LMBRD1: variants seen among roughly 807,000 people sequenced by gnomAD.
LMBRD1 encodes LMBR1 domain containing 1.
In LMBRD1, 64 loss-of-function variants were observed where a neutral mutation model predicts 74.8. The observed-to-expected ratio is 0.86, with a 90% CI of 0.70 to 1.05. The LOEUF (loss-of-function observed/expected upper bound fraction) is 1.05. Among genes scored for constraint, LMBRD1 ranks in the 50% least tolerant of loss-of-function variants. The pLI, the probability that LMBRD1 is intolerant of heterozygous loss-of-function variation, is 0.00. For missense variants in LMBRD1, 652 were observed against 645.9 expected (o/e 1.01, Z -0.10); for synonymous variants, 204 against 216.3 (o/e 0.94, Z 0.50).
At chr6:69,774,599 G>A (rs1765648459) in intron 3 of LMBRD1, among the ~76,000 whole-genome samples, 1 of 151,992 alleles carries the variant, frequency 6.6e-6, no homozygotes, top group Admixed American at 6.6e-5. Flanking sequence ...CAAATATAAA[G>A]ATAAAAATAA....
chr6:69,771,055 T>G (rs1765565708), intron 3 of LMBRD1, among the ~76,000 whole-genome samples: 1 of 152,206 alleles, frequency 6.6e-6, no homozygotes, highest in African/African-American at 2.4e-5. Context: ...GATGGAGAGA[T>G]GTACTAGTTA....
chr6:69,749,316 T>TA, intron 5 of LMBRD1, 25 bp downstream of exon 5: 2 of 1,548,648 alleles, frequency 1.3e-6, no homozygotes, highest in Non-Finnish European at 8.9e-7. Context: ...ATTTCATGGT[T>TA]TAAAAAAAAA....
At position 69,676,130 on chromosome 6, in the gene LMBRD1, A is replaced by T; in HGVS notation, c.*28T>A. Reference sequence around the variant, plus strand: ...AATGCATAACAGATATTCAGTCAGCATTATAAAACCTTTAAGACAGAAGGC... The same window carrying T: ...AATGCATAACAGATATTCAGTCAGCTTTATAAAACCTTTAAGACAGAAGGC... On this transcript the variant is annotated 3_prime_UTR_variant, in exon 16 of 16. Transcript: ENST00000649934. The T allele has an allele frequency of 1.3e-6, 2 of 1,539,518 alleles. No homozygotes were observed. Among genetic ancestry groups the T allele is most frequent in the Non-Finnish European group, 1.8e-6 (2 of 1,112,682 alleles).
At chr6:69,683,067 A>C (rs1330716996) in intron 14 of LMBRD1, among the ~76,000 whole-genome samples, 1 of 152,000 alleles carries the variant, frequency 6.6e-6, no homozygotes, top group Non-Finnish European at 1.5e-5. Flanking sequence ...TTACTATACT[A>C]TTTTAGTTAA....
chr6:69,764,847 A>G lies in LMBRD1; in HGVS notation c.308-12491T>C, dbSNP rs538448490. On this transcript the variant is annotated intron_variant, in intron 3 of 15. Coordinates refer to ENST00000649934, the MANE Select transcript of LMBRD1 (RefSeq NM_018368.4). ...AGTATAACTTATTAAGGTTTCTCCT[A>G]TGAATCATGCTTTTGGTGCCATATC... Among the ~76,000 whole-genome samples the G allele has an allele frequency of 1.4e-4, 22 of 152,206 alleles. No individual in the cohort carries two copies. In the South Asian group the frequency reaches 4.6e-3, roughly 32 times the overall value.
intron 13 of LMBRD1, among the ~76,000 whole-genome samples, 189 bp downstream of exon 13, chr6:69,698,854 G>A (rs1032432096): frequency 6.6e-6 from 1 of 151,526 alleles, no homozygotes; most frequent in Non-Finnish European, 1.5e-5. Context: ...TCTGTGTGCT[G>A]TTTCAAAAAA....
chr6:69,725,652 T>G (rs1766716142), intron 7 of LMBRD1, among the ~76,000 whole-genome samples: 1 of 152,122 alleles, frequency 6.6e-6, no homozygotes, highest in African/African-American at 2.4e-5. Context: ...GCTTCTTCAA[T>G]AAACAGTGCC....
intron 3 of LMBRD1, among the ~76,000 whole-genome samples, chr6:69,753,620 G>T (rs564602530): frequency 6.6e-6 from 1 of 152,288 alleles, no homozygotes; most frequent in East Asian, 1.9e-4. Context: ...GACTCTCGAA[G>T]AGTTATTTGT....
chr6:69,711,327 A>C (rs1285730589), intron 9 of LMBRD1, among the ~76,000 whole-genome samples: 3 of 152,146 alleles, frequency 2.0e-5, no homozygotes. Flanking sequence ...AGCTCAGGGG[A>C]GCAAGAGAGG....
chr6:69,674,283 A>G lies in LMBRD1; in HGVS notation c.*1875T>C, dbSNP rs557837324. ...TTTAAAAGGCCCTATCTCCACATAA[A>G]GTATTATTCTATGAAGTACCAGGGG... On this transcript the variant is annotated 3_prime_UTR_variant, in exon 16 of 16. Transcript: ENST00000649934. Among the ~76,000 whole-genome samples, 34 of 152,340 alleles carry G rather than the reference A, an allele frequency of 2.2e-4. 1 individual carries two copies. Among genetic ancestry groups the G allele is most frequent in the African/African-American group, 8.2e-4 (34 of 41,572 alleles).
chr6:69,726,192 A>G (rs12665798), intron 7 of LMBRD1, among the ~76,000 whole-genome samples: 72,488 of 152,006 alleles, frequency 0.48, 17,916 homozygotes, highest in African/African-American at 0.6. Context: ...TTTCACTCTG[A>G]TTAAAAGGGC....
At chr6:69,719,178 GC>G (rs1562097931) in intron 7 of LMBRD1, 97 bp from the exon 8 acceptor site, 1 of 1,162,286 alleles carries the variant, frequency 8.6e-7, no homozygotes, top group Non-Finnish European at 1.2e-6. Flanking sequence ...ATAAGAGTCA[GC>G]AGTTGTGAAA....
chr6:69,711,229 ACT>A (rs1766376473), intron 9 of LMBRD1, among the ~76,000 whole-genome samples: 1 of 152,092 alleles, frequency 6.6e-6, no homozygotes, highest in African/African-American at 2.4e-5. Flanking sequence ...AAGATTGTAC[ACT>A]CTATGATTCC....
intron 14 of LMBRD1, among the ~76,000 whole-genome samples, chr6:69,693,801 T>C (rs767087741): frequency 1.3e-4 from 19 of 151,950 alleles, no homozygotes; most frequent in Non-Finnish European, 2.2e-4. Flanking sequence ...TGGTTATCTT[T>C]CTCTACCATT....
At chr6:69,791,810 G>T (rs1766092815) in intron 1 of LMBRD1, among the ~76,000 whole-genome samples, 1 of 152,132 alleles carries the variant, frequency 6.6e-6, no homozygotes, top group Admixed American at 6.5e-5. Context: ...AATAATGCAT[G>T]ATGTTCACAA....
intron 14 of LMBRD1, among the ~76,000 whole-genome samples, chr6:69,686,601 C>G (rs752785702): frequency 7.5e-5 from 11 of 147,328 alleles, no homozygotes; most frequent in Admixed American, 2.1e-4. Flanking sequence ...CGGGCATCAC[C>G]CCTGACTCCC....
chr6:69,785,899 T>C (rs1278744199), intron 2 of LMBRD1, among the ~76,000 whole-genome samples: 1 of 152,196 alleles, frequency 6.6e-6, no homozygotes, highest in Non-Finnish European at 1.5e-5. Flanking sequence ...CCTCTATATT[T>C]GCTGCTGCTT....
At chr6:69,689,892 A>T (rs921844010) in intron 14 of LMBRD1, among the ~76,000 whole-genome samples, 2 of 152,122 alleles carry the variant, frequency 1.3e-5, no homozygotes, top group African/African-American at 2.4e-5. Flanking sequence ...CGAGAGAGAA[A>T]GCAGTAAATT....
chr6:69,793,718 CTTTTTTTTTT>C (rs34341228), intron 1 of LMBRD1, among the ~76,000 whole-genome samples: 1 of 96,030 alleles, frequency 1.0e-5, no homozygotes, highest in Non-Finnish European at 2.0e-5. Context: ...TGTCCTGAAT[CTTTTTTTTTT>C]TTTTTTTTTT....
Sources: allele counts gnomAD v4.1 joint callset (sites outside exome capture counted in the v4.1 genomes callset), GRCh38; gene constraint gnomAD v4.1.1; transcripts MANE v1.5; gene names NCBI Gene and HGNC (gene_info 2026-07-23, HGNC 2026-07-21).